RBFOX1: variants seen among roughly 807,000 people sequenced by gnomAD.
The protein encoded by RBFOX1 is RNA binding fox-1 homolog 1, also known as RNA binding protein fox-1 homolog 1.
In RBFOX1, 8 loss-of-function variants were observed where a neutral mutation model predicts 57.7. The ratio of observed to expected loss-of-function variants is 0.14; its 90% CI spans 0.08 to 0.25. The LOEUF is 0.25. Among genes scored for constraint, RBFOX1 ranks in the 10% least tolerant of loss-of-function variants. The pLI, the probability that RBFOX1 is intolerant of heterozygous loss-of-function variation, is 1.00. For synonymous variants in RBFOX1, 326 were observed against 222.4 expected (o/e 1.47, Z -4.15); for missense variants, 611 against 548.5 (o/e 1.11, Z -1.14).
At chr16:6,904,081 C>T (rs2069150651) in intron 3 of RBFOX1, among the ~76,000 whole-genome samples, 1 of 152,190 alleles carries the variant, frequency 6.6e-6, no homozygotes, top group Admixed American at 6.5e-5. Flanking sequence ...GCGGGTACAG[C>T]AAGTCGGATG....
chr16:7,232,649 C>T (rs1329858817), intron 4 of RBFOX1, among the ~76,000 whole-genome samples: 1 of 152,068 alleles, frequency 6.6e-6, no homozygotes, highest in Non-Finnish European at 1.5e-5. Flanking sequence ...CGAGAACAGC[C>T]TGACCAACAT....
intron 10 of RBFOX1, among the ~76,000 whole-genome samples, chr16:7,612,522 T>G (rs544461471): frequency 7.4e-4 from 112 of 151,814 alleles, no homozygotes; most frequent in African/African-American, 2.5e-3. Flanking sequence ...TTAAAAATAG[T>G]GTTTCCAAGA....
intron 4 of RBFOX1, among the ~76,000 whole-genome samples, chr16:7,224,311 G>A (rs1482986179): frequency 3.3e-5 from 5 of 152,112 alleles, no homozygotes; most frequent in Non-Finnish European, 7.4e-5. Flanking sequence ...GTAATAAAGT[G>A]TAGCAGGTTT....
At chr16:6,269,724 A>G (rs924320972) in intron 1 of RBFOX1, among the ~76,000 whole-genome samples, 2 of 152,216 alleles carry the variant, frequency 1.3e-5, no homozygotes, top group East Asian at 1.9e-4. Context: ...TCTACCTTAA[A>G]AGAATGGCTG....
intron 1 of RBFOX1, among the ~76,000 whole-genome samples, chr16:6,027,525 C>G (rs1355302320): frequency 2.6e-5 from 4 of 152,154 alleles, no homozygotes; most frequent in Admixed American, 2.0e-4. Flanking sequence ...TTCTCTGAAC[C>G]TCAGTCCATC....
intron 2 of RBFOX1, among the ~76,000 whole-genome samples, chr16:6,462,835 A>G (rs2094952941): frequency 6.6e-6 from 1 of 152,090 alleles, no homozygotes; most frequent in African/African-American, 2.4e-5. Flanking sequence ...TTTAATTTTC[A>G]TGTTCTTGAC....
intron 2 of RBFOX1, among the ~76,000 whole-genome samples, chr16:6,580,029 G>C (rs1241957200): frequency 6.6e-6 from 1 of 152,070 alleles, no homozygotes; most frequent in Non-Finnish European, 1.5e-5. Flanking sequence ...TGTGATCTCA[G>C]ATCACTGCAA....
intron 2 of RBFOX1, among the ~76,000 whole-genome samples, chr16:6,631,959 G>A (rs575823166): frequency 5.9e-5 from 9 of 152,180 alleles, no homozygotes; most frequent in Non-Finnish European, 7.3e-5. Flanking sequence ...AGCTATGTTG[G>A]GAGCTGGGTT....
chr16:5,469,069 G>T (rs912355830), intron 2 of RBFOX1, among the ~76,000 whole-genome samples: 1 of 152,206 alleles, frequency 6.6e-6, no homozygotes, highest in Non-Finnish European at 1.5e-5. Context: ...CTGACCAGTA[G>T]AGGTTTTCTT....
chr16:7,261,687 A>T (rs1413966536), intron 4 of RBFOX1, among the ~76,000 whole-genome samples: 2 of 152,220 alleles, frequency 1.3e-5, no homozygotes, highest in Non-Finnish European at 2.9e-5. Flanking sequence ...CAGTCCAAGC[A>T]TCCTTTTCCT....
At position 5,259,385 on chromosome 16, in the gene RBFOX1, C is replaced by G. The variant is rs147523264; in HGVS notation, c.219+19280C>G. Among the ~76,000 whole-genome samples, 433 of 152,282 alleles carry G rather than the reference C, an allele frequency of 2.8e-3. 4 individuals carry two copies. The highest frequency in any genetic ancestry group is 9.3e-3 in the African/African-American group (386 of 41,554). On this transcript the variant is annotated intron_variant, in intron 1 of 2. Transcript: ENST00000585867. The stretch of plus-strand genomic sequence containing the variant: ...TCTCATGCAGCCAGCCTGGCTCTGG[C>G]TCTGGCTCTGGGAGCTGGGTTGGGA...
At chr16:6,407,936 G>C (rs115703235) in intron 2 of RBFOX1, among the ~76,000 whole-genome samples, 1 of 152,168 alleles carries the variant, frequency 6.6e-6, no homozygotes. Context: ...CAGCACAATA[G>C]TATTAAGAGC....
At chr16:6,578,070 A>G (rs1254120106) in intron 2 of RBFOX1, among the ~76,000 whole-genome samples, 3 of 152,196 alleles carry the variant, frequency 2.0e-5, no homozygotes, top group Admixed American at 2.0e-4. Context: ...TTACAACAAA[A>G]AATAAGGTAA....
intron 1 of RBFOX1, among the ~76,000 whole-genome samples, chr16:6,179,573 G>T (rs554135974): frequency 5.3e-5 from 8 of 152,078 alleles, no homozygotes; most frequent in Non-Finnish European, 1.0e-4. Context: ...ACTGTGGTCC[G>T]CAGCCCACTA....
In RBFOX1 at chr16:5,548,174, AAT is replaced by A. The variant is rs71142629; in HGVS notation, c.259-50698_259-50697del. Among the ~76,000 whole-genome samples, 270 of 33,554 alleles carry A rather than the reference AAT, an allele frequency of 8.0e-3. 3 individuals are homozygous for A. Among genetic ancestry groups the A allele is most frequent in the African/African-American group, 0.021 (256 of 12,462 alleles). The allele number at this position is 33,554 out of a possible 152,430, so 22.0% of individuals were successfully genotyped here. A position where few individuals can be genotyped will look rare whatever the true frequency, so the allele number is the denominator to read the frequency against. On this transcript the variant is annotated intron_variant, in intron 2 of 2. Coordinates refer to the RBFOX1 transcript ENST00000585867. The stretch of plus-strand genomic sequence containing the variant: ...AGACTCTGTTAAAAAAAAAAAAAAA[AAT>A]ATATATATATATATATATATATATA...
At chr16:6,779,239 C>G (rs1384209536) in intron 3 of RBFOX1, among the ~76,000 whole-genome samples, 1 of 151,992 alleles carries the variant, frequency 6.6e-6, no homozygotes, top group Admixed American at 6.6e-5. Context: ...ATTTTTTTAG[C>G]TCCCGCATTT....
intron 3 of RBFOX1, among the ~76,000 whole-genome samples, chr16:7,048,745 A>T (rs746781806): frequency 6.6e-6 from 1 of 152,104 alleles, no homozygotes; most frequent in African/African-American, 2.4e-5. Context: ...TTCCCATGCA[A>T]ATTTAGATTT....
intron 1 of RBFOX1, among the ~76,000 whole-genome samples, chr16:6,308,287 T>C (rs7198397): frequency 0.086 from 13,141 of 152,284 alleles, 608 homozygotes; most frequent in Admixed American, 0.11. Flanking sequence ...GGATTGTGAT[T>C]ATTATTTGCT....
At chr16:7,122,822 A>G (rs866860607) in intron 4 of RBFOX1, among the ~76,000 whole-genome samples, 4 of 152,214 alleles carry the variant, frequency 2.6e-5, no homozygotes, top group African/African-American at 7.2e-5. Context: ...CTTCAAATAG[A>G]TGAATTTGAA....
Sources: gnomAD v4.1 joint callset for allele counts (sites outside exome capture counted in the v4.1 genomes callset) on GRCh38, gnomAD v4.1.1 for gene constraint, MANE v1.5 for transcripts, NCBI Gene and HGNC (gene_info 2026-07-23, HGNC 2026-07-21) for gene names.